Variants in ADAMTS8 observed in about 807,000 individuals in gnomAD.
ADAMTS8 encodes A disintegrin and metalloproteinase with thrombospondin motifs 8.
In ADAMTS8, 50 loss-of-function variants were observed where a neutral mutation model predicts 64.4. The ratio of observed to expected loss-of-function variants is 0.78; its 90% CI spans 0.62 to 0.98. ADAMTS8 has a LOEUF of 0.98. ADAMTS8 is among the 50% of genes least tolerant of loss of function. The pLI is 0.00. For missense variants in ADAMTS8, 1,192 were observed against 1,208.2 expected, an observed-to-expected ratio of 0.99 and a Z score of 0.20; for synonymous variants, 556 against 533.6, an observed-to-expected ratio of 1.04 and a Z score of -0.58.
intron 8 of ADAMTS8, among the ~76,000 whole-genome samples, chr11:130,406,536 C>G (rs1861887425): frequency 6.6e-6 from 1 of 152,160 alleles, no homozygotes; most frequent in Non-Finnish European, 1.5e-5. Context: ...CCTCCATACC[C>G]AGAGCTCAAA....
chr11:130,409,454 A>T (rs1033535623), intron 6 of ADAMTS8, among the ~76,000 whole-genome samples: 1 of 151,998 alleles, frequency 6.6e-6, no homozygotes, highest in Non-Finnish European at 1.5e-5. Flanking sequence ...ATTACCTCCA[A>T]CTCAGCATGG....
In ADAMTS8 at chr11:130,418,902, A is replaced by ATCT. The variant is rs1862061228; in HGVS notation, c.960+150_960+151insAGA. 8 of 1,194,646 alleles carry ATCT rather than the reference A, an allele frequency of 6.7e-6. No individual in the cohort carries two copies. In the South Asian group the frequency reaches 1.2e-4, roughly 17 times the overall value. 74.0% of individuals were successfully genotyped at this position (1,194,646 alleles called of 1,614,324 possible). Reference sequence around the variant, plus strand: ...CAAATACCTCACACTTGTCCTCATGACCTCCTCATCATTCTGGGCATGAGG... The same window carrying ATCT: ...CAAATACCTCACACTTGTCCTCATGATCTCCTCCTCATCATTCTGGGCATGAGG... On this transcript the variant is annotated intron_variant, in intron 2 of 8. Transcript: ENST00000257359.
At position 130,414,644 on chromosome 11, in the gene ADAMTS8, G is replaced by C. The variant is rs554453877; in HGVS notation, c.1453C>G (p.Leu485Val). The change falls in exon 5 of 9, where the codon CTG (leucine) becomes GTG (valine). Residue 485 changes from leucine (L) to valine (V), a missense_variant. Around this residue, in one of 5 missense-constraint regions of ADAMTS8, gnomAD observed 741 missense variants for 710.6 expected, o/e 1.04. Transcript: ENST00000257359. Reference sequence around the variant, plus strand: ...AGGCTGCCATTCTTCGTGTGGCACAGGGGCTCAGCCCCATCAGTGTGGCAC... The same window carrying C: ...AGGCTGCCATTCTTCGTGTGGCACACGGGCTCAGCCCCATCAGTGTGGCAC... ...LWCHTDGAEP[L>V]CHTKNGSLPW... is the part of the protein sequence containing the mutation. 3 of 1,613,744 alleles carry C rather than the reference G, an allele frequency of 1.9e-6. No individual in the cohort carries two copies. In the East Asian group the frequency reaches 6.7e-5, roughly 36 times the overall value.
chr11:130,414,235 T>G (rs1450270434), intron 5 of ADAMTS8, among the ~76,000 whole-genome samples: 1 of 151,500 alleles, frequency 6.6e-6, no homozygotes, highest in Non-Finnish European at 1.5e-5. Context: ...GTGATCTCCC[T>G]GCCTCCGCCT....
chr11:130,405,546 T>A lies in ADAMTS8; in HGVS notation c.*12A>T. 6.3e-7 allele frequency: 1 copy of A among 1,584,176 alleles called. No homozygotes were observed. The highest frequency in any genetic ancestry group is 8.6e-7 in the Non-Finnish European group (1 of 1,163,414). ...TGTCCAGGAGCACAAGACTGGCCCC[T>A]GCCCCCCTGAATCACAGGGGGCACA... On this transcript the variant is annotated 3_prime_UTR_variant, in exon 9 of 9. Coordinates refer to ENST00000257359, the MANE Select transcript of ADAMTS8 (RefSeq NM_007037.6).
In ADAMTS8 at chr11:130,405,477, C is replaced by T. The variant is rs77872571; in HGVS notation, c.*81G>A. ...TGCTGCCTTGATATGGCCAAGGGACCCAGTCACCACAGTGGAGACCCTTGT... is the reference window on the plus strand; with the variant it reads ...TGCTGCCTTGATATGGCCAAGGGACTCAGTCACCACAGTGGAGACCCTTGT... On this transcript the variant is annotated 3_prime_UTR_variant, in exon 9 of 9. Transcript: ENST00000257359. 0.069 allele frequency: 104,316 copies of T among 1,507,828 alleles called. 4,213 individuals carry two copies. Among genetic ancestry groups the T allele is most frequent in the African/African-American group, 0.14 (10,098 of 71,754 alleles). The allele number at this position is 1,507,828 out of a possible 1,614,324, so 93.4% of individuals were successfully genotyped here. A position where few individuals can be genotyped will look rare whatever the true frequency, so the allele number is the denominator to read the frequency against.
At position 130,405,326 on chromosome 11, in the gene ADAMTS8, C is replaced by A. The variant is rs1565371888; in HGVS notation, c.*232G>T. ...TTTAACCTATGCCCTCTACTTGAAC[C>A]CGAGCAAGGTCCAGTCCACTGGACA... On this transcript the variant is annotated 3_prime_UTR_variant, in exon 9 of 9. Transcript: ENST00000257359. The A allele has an allele frequency of 2.3e-6, 3 of 1,324,104 alleles. No homozygotes were observed. The highest frequency in any genetic ancestry group is 2.9e-6 in the Non-Finnish European group (3 of 1,041,476). 82.0% of individuals were successfully genotyped at this position (1,324,104 alleles called of 1,614,324 possible).
chr11:130,406,231 A>G (rs972839069), intron 8 of ADAMTS8, 103 bp from the exon 9 acceptor site: 6 of 1,396,946 alleles, frequency 4.3e-6, no homozygotes, highest in Non-Finnish European at 5.7e-6. Flanking sequence ...GCAGACACGA[A>G]AAAAACAAAG....
chr11:130,414,825 A>G lies in ADAMTS8; in HGVS notation c.1272T>C (p.Cys424=). The G allele has an allele frequency of 6.2e-7, 1 of 1,606,092 alleles. No homozygotes were observed. ...GGGCCGCAGCAGGGGCATCCAGGAG[A>G]CAGTCTCCTGGGAAAAGAGGAAGCA... is the stretch of plus-strand genomic sequence containing the variant. The part of the protein sequence containing the change: ...TELLDGGHGD[C]LLDAPAAALP... Residue 424 remains cysteine (C), a synonymous_variant, in exon 5 of 9, where the codon TGT becomes TGC. Transcript: ENST00000257359.
At position 130,427,710 on chromosome 11, in the gene ADAMTS8, C is replaced by T. The variant is rs1172202457; in HGVS notation, c.577G>A (p.Glu193Lys). The T allele has an allele frequency of 1.3e-6, 2 of 1,595,268 alleles. No homozygotes were observed. Among genetic ancestry groups the T allele is most frequent in the Non-Finnish European group, 1.7e-6 (2 of 1,171,994 alleles). Residue 193 changes from glutamate (E) to lysine (K), a missense_variant, in exon 1 of 9, where the codon GAG becomes AAG. Physicochemically the swap from Glu to Lys is moderately conservative, Grantham distance 56. Coordinates refer to ENST00000257359, the MANE Select transcript of ADAMTS8 (RefSeq NM_007037.6). ...GGCTCGCTAGCGCCTTCTGCCTCCT[C>T]TTCTTGGCTCTCCTCCTCGCTGTCC... The part of the protein sequence containing the change: ...QEDSEEESQE[E>K]EAEGASEPPP...
At chr11:130,407,484 G>C (rs4937516) in intron 8 of ADAMTS8, among the ~76,000 whole-genome samples, 71,533 of 150,868 alleles carry the variant, frequency 0.47, 17,357 homozygotes, top group East Asian at 0.61. Flanking sequence ...CAGACAGACA[G>C]ACACACACAC....
rs1021838360 is a variant in ADAMTS8 at position 130,405,325 on chromosome 11, C to T, written c.*233G>A. 3 of 1,322,686 alleles carry T rather than the reference C, an allele frequency of 2.3e-6. No homozygotes were observed. The allele number at this position is 1,322,686 out of a possible 1,614,324, so 81.9% of individuals were successfully genotyped here. A position where few individuals can be genotyped will look rare whatever the true frequency, so the allele number is the denominator to read the frequency against. On this transcript the variant is annotated 3_prime_UTR_variant, in exon 9 of 9. Transcript: ENST00000257359. ...TTTTAACCTATGCCCTCTACTTGAA[C>T]CCGAGCAAGGTCCAGTCCACTGGAC...
chr11:130,428,521 G>T lies in ADAMTS8; in HGVS notation c.-235C>A. The T allele has an allele frequency of 1.1e-6, 1 of 893,862 alleles. No homozygotes were observed. The highest frequency in any genetic ancestry group is 4.9e-5 in the South Asian group (1 of 20,278). The allele number at this position is 893,862 out of a possible 1,614,324, so 55.4% of individuals were successfully genotyped here. ...CCCCCGAGCCGAGCGCGAGCAGCTG[G>T]CCCCGGCCCGCGTGCGCCCGTCCTC... is the stretch of plus-strand genomic sequence containing the variant. On this transcript the variant is annotated 5_prime_UTR_variant, in exon 1 of 9. Coordinates refer to ENST00000257359, the MANE Select transcript of ADAMTS8 (RefSeq NM_007037.6).
In ADAMTS8 at chr11:130,411,441, G is replaced by A. The variant is rs1303572630; in HGVS notation, c.1726C>T (p.His576Tyr). The change falls in exon 6 of 9, where the codon CAC (histidine) becomes TAC (tyrosine). Residue 576 changes from histidine (H) to tyrosine (Y), a missense_variant. His to Tyr is a moderately conservative substitution (Grantham distance 83). Transcript: ENST00000257359. This position sits in a 1 kb window ranked among gnomAD's most constrained non-coding sequence, Gnocchi z 4.2. ...CCGTCAGGGGGGCATTCCTCCGTGT[G>A]GCATGACTGGTACTTGGCTCTCCGA... ...LGRRAKYQSC[H>Y]TEECPPDGKS... 1 of 1,614,138 alleles carries A rather than the reference G, an allele frequency of 6.2e-7. No individual in the cohort carries two copies.
chr11:130,416,515 C>T lies in ADAMTS8; in HGVS notation c.1097-185G>A, dbSNP rs957650907. ...CGCGTTCTCAGATGACTAAGAAACA[C>T]GGATACCCCTTTATTTTCTGCCTCA... On this transcript the variant is annotated intron_variant, in intron 3 of 8. Transcript: ENST00000257359. The surrounding 1 kb of genome is among the most constrained non-coding windows in gnomAD (Gnocchi z 4.8). Among the ~76,000 whole-genome samples the T allele has an allele frequency of 4.6e-5, 7 of 152,224 alleles. No individual in the cohort carries two copies. Among genetic ancestry groups the T allele is most frequent in the African/African-American group, 9.6e-5 (4 of 41,454 alleles).
chr11:130,418,848 GC>G (rs1490148272), intron 2 of ADAMTS8, among the ~76,000 whole-genome samples: 1 of 152,194 alleles, frequency 6.6e-6, no homozygotes, highest in Non-Finnish European at 1.5e-5. Flanking sequence ...TTGGAAGAGA[GC>G]CCTTACAAGA....
chr11:130,415,895 G>A (rs545919133), intron 4 of ADAMTS8, among the ~76,000 whole-genome samples: 10 of 152,252 alleles, frequency 6.6e-5, no homozygotes, highest in African/African-American at 1.7e-4. Flanking sequence ...TCCTTCAAGC[G>A]CTGCTCAAAC....
intron 1 of ADAMTS8, among the ~76,000 whole-genome samples, chr11:130,423,999 G>A (rs1552330): frequency 0.61 from 92,981 of 152,106 alleles, 29,127 homozygotes; most frequent in Admixed American, 0.73. Context: ...CTTCATTGTC[G>A]CGTAACATAG....
intron 1 of ADAMTS8, among the ~76,000 whole-genome samples, chr11:130,422,213 G>A (rs1862109083): frequency 6.6e-6 from 1 of 152,100 alleles, no homozygotes; most frequent in Non-Finnish European, 1.5e-5. Flanking sequence ...GCCAAGGTGG[G>A]AGAATCACTT....
Sources: allele counts gnomAD v4.1 joint callset (sites outside exome capture counted in the v4.1 genomes callset), GRCh38; gene constraint gnomAD v4.1.1; regional missense constraint gnomAD v4.1.1; non-coding constraint Gnocchi (gnomAD v3.1); transcripts MANE v1.5; gene names NCBI Gene and HGNC (gene_info 2026-07-23, HGNC 2026-07-21).